The following TAOK1 variants were observed in gnomAD, a reference collection of about 807,000 sequenced individuals.
The protein encoded by TAOK1 is TAO kinase 1.
Under a neutral mutation model 138.3 loss-of-function variants are expected in TAOK1, and 21 were observed. The observed-to-expected ratio is 0.15, with a 90% confidence interval of 0.11 to 0.22. The LOEUF (loss-of-function observed/expected upper bound fraction) is 0.22, where lower values mean the gene tolerates loss of function less well. Ranked by LOEUF, TAOK1 falls within the 10% of genes least tolerant of loss-of-function variation. The probability of loss-of-function intolerance (pLI) is 1.00; values close to 1 mark genes in which losing one functional copy is unlikely to be tolerated. For missense variants in TAOK1, 651 were observed against 1,227.7 expected (o/e 0.53, Z 7.02); for synonymous variants, 361 against 398.4 (o/e 0.91, Z 1.12).
At chr17:29,432,776 A>AT (rs1386436275) in intron 1 of TAOK1, among the ~76,000 whole-genome samples, 7 of 147,428 alleles carry the variant, frequency 4.7e-5, no homozygotes, top group Non-Finnish European at 1.1e-4. Flanking sequence ...CACCTGTCCA[A>AT]ATTTTTTTTT....
chr17:29,537,472 TCA>T (rs1416906373), intron 19 of TAOK1, among the ~76,000 whole-genome samples: 5 of 150,320 alleles, frequency 3.3e-5, no homozygotes, highest in Admixed American at 1.3e-4. Flanking sequence ...TACCTCAGCC[TCA>T]CAACTACAGG....
chr17:29,433,660 A>G (rs1905926569), intron 1 of TAOK1, among the ~76,000 whole-genome samples: 1 of 152,022 alleles, frequency 6.6e-6, no homozygotes, highest in Non-Finnish European at 1.5e-5. Context: ...CTGCTAGAGC[A>G]CTTCCCGCCC....
At chr17:29,489,629 C>T in intron 8 of TAOK1, 35 bp from the exon 9 acceptor site, 1 of 1,469,114 alleles carries the variant, frequency 6.8e-7, no homozygotes, top group African/African-American at 1.4e-5. Context: ...ACCCCTGGAA[C>T]CTATTTTAAC....
At chr17:29,428,965 G>A (rs1905738303) in intron 1 of TAOK1, among the ~76,000 whole-genome samples, 1 of 151,992 alleles carries the variant, frequency 6.6e-6, no homozygotes, top group African/African-American at 2.4e-5. Context: ...AAAATGCCTG[G>A]AATATAGCGA....
intron 6 of TAOK1, 59 bp from the exon 7 acceptor site, chr17:29,480,307 TCG>T: frequency 8.3e-7 from 1 of 1,198,560 alleles, no homozygotes; most frequent in African/African-American, 1.5e-5. Flanking sequence ...TTTATTTTTA[TCG>T]TTTTAAACAT....
intron 16 of TAOK1, among the ~76,000 whole-genome samples, chr17:29,518,756 C>T (rs200309755): frequency 0.5 from 62,724 of 125,866 alleles, 13,706 homozygotes; most frequent in Non-Finnish European, 0.56. Context: ...TTTACTTTAT[C>T]TATTTATTTA....
intron 1 of TAOK1, among the ~76,000 whole-genome samples, chr17:29,411,472 A>T (rs1905143152): frequency 6.6e-6 from 1 of 150,858 alleles, no homozygotes; most frequent in Non-Finnish European, 1.5e-5. Flanking sequence ...GCTTACTGCA[A>T]CCTCTGCCTC....
chr17:29,429,200 T>C (rs76530193), intron 1 of TAOK1, among the ~76,000 whole-genome samples: 4,875 of 152,268 alleles, frequency 0.032, 259 homozygotes, highest in African/African-American at 0.11. Context: ...ATAAGCCTTT[T>C]GTTTTTACTT....
At position 29,548,647 on chromosome 17, in the gene TAOK1, C is replaced by T. The variant is rs1451178468; in HGVS notation, c.*5625C>T. 6.6e-6 allele frequency: 1 copy of T among 152,048 alleles called. No homozygotes were observed. The highest frequency in any genetic ancestry group is 6.5e-5 in the Admixed American group (1 of 15,268). The allele number at this position is 152,048 out of a possible 1,614,324, so 9.4% of individuals were successfully genotyped here. The stretch of plus-strand genomic sequence containing the variant: ...TCCCCCCAAAGTACGGGTAATTCAA[C>T]CTGCACAGTTTTCTTTCACTCAAAG... On this transcript the variant is annotated 3_prime_UTR_variant, in exon 20 of 20. Coordinates refer to ENST00000261716, the MANE Select transcript of TAOK1 (RefSeq NM_020791.4).
At chr17:29,456,069 C>T (rs947569155) in intron 2 of TAOK1, among the ~76,000 whole-genome samples, 1 of 150,110 alleles carries the variant, frequency 6.7e-6, no homozygotes, top group African/African-American at 2.5e-5. Context: ...TTGGTAGGGC[C>T]GGGCGCGGTG....
At chr17:29,493,338 T>C (rs542822548) in intron 10 of TAOK1, among the ~76,000 whole-genome samples, 44 of 151,718 alleles carry the variant, frequency 2.9e-4, no homozygotes, top group African/African-American at 1.0e-3. Context: ...CTACTAAAAA[T>C]ACAAAATTAG....
chr17:29,431,803 A>T (rs1158215919), intron 1 of TAOK1, among the ~76,000 whole-genome samples: 4 of 113,022 alleles, frequency 3.5e-5, no homozygotes, highest in Non-Finnish European at 5.2e-5. Flanking sequence ...TGCCTGGCTA[A>T]TTTTTTTTTT....
chr17:29,471,766 T>C (rs1292383098), intron 3 of TAOK1, among the ~76,000 whole-genome samples: 1 of 152,232 alleles, frequency 6.6e-6, no homozygotes, highest in Non-Finnish European at 1.5e-5. Context: ...CCCATCAGTT[T>C]TCTCTTTCAC....
At chr17:29,538,157 A>C (rs1329027166) in intron 19 of TAOK1, among the ~76,000 whole-genome samples, 1 of 152,134 alleles carries the variant, frequency 6.6e-6, no homozygotes, top group Admixed American at 6.5e-5. Context: ...CCAATAAAAA[A>C]ATCTTATTCA....
chr17:29,516,425 C>T (rs1212942308), intron 15 of TAOK1, among the ~76,000 whole-genome samples: 1 of 151,972 alleles, frequency 6.6e-6, no homozygotes, highest in Non-Finnish European at 1.5e-5. Flanking sequence ...ACCTCTGCCT[C>T]CCAGGTTCAA....
chr17:29,415,733 G>C (rs1905251176), intron 1 of TAOK1, among the ~76,000 whole-genome samples: 2 of 152,152 alleles, frequency 1.3e-5, no homozygotes, highest in East Asian at 3.8e-4. Flanking sequence ...TGGTGTTTCT[G>C]TATAATTAAG....
At chr17:29,396,716 G>A (rs1419715165) in intron 1 of TAOK1, among the ~76,000 whole-genome samples, 1 of 152,112 alleles carries the variant, frequency 6.6e-6, no homozygotes, top group African/African-American at 2.4e-5. Context: ...TATTAATGTT[G>A]GCTGGGCGTG....
intron 1 of TAOK1, among the ~76,000 whole-genome samples, chr17:29,395,614 A>AACATAT (rs1292178643): frequency 6.6e-6 from 1 of 151,462 alleles, no homozygotes; most frequent in Non-Finnish European, 1.5e-5. Flanking sequence ...GCAGAGTACC[A>AACATAT]ACATATGCTC....
intron 1 of TAOK1, among the ~76,000 whole-genome samples, chr17:29,425,687 A>AAAC (rs1215575410): frequency 3.2e-4 from 19 of 59,678 alleles, no homozygotes; most frequent in Non-Finnish European, 4.7e-4. Context: ...ACAAACAAAC[A>AAAC]AAAAAACCAA....
Sources: gnomAD v4.1 joint callset for allele counts (sites outside exome capture counted in the v4.1 genomes callset) on GRCh38, gnomAD v4.1.1 for gene constraint, MANE v1.5 for transcripts, NCBI Gene and HGNC (gene_info 2026-07-23, HGNC 2026-07-21) for gene names.